Variants in PKDREJ observed in about 807,000 individuals in gnomAD.
The protein encoded by PKDREJ is polycystin family receptor for egg jelly.
For synonymous variants in PKDREJ, 1,031 were observed against 1,095.5 expected, an observed-to-expected ratio of 0.94 and a Z score of 1.16; for missense variants, 2,507 against 2,807.2, an observed-to-expected ratio of 0.89 and a Z score of 2.42.
In PKDREJ at chr22:46,260,204, T is replaced by C. The variant is rs1229255275; in HGVS notation, c.3119A>G (p.Gln1040Arg). 1 of 1,614,180 alleles carries C rather than the reference T, an allele frequency of 6.2e-7. No homozygotes were observed. Among genetic ancestry groups the C allele is most frequent in the Non-Finnish European group, 8.5e-7 (1 of 1,180,038 alleles). The change falls in exon 1 of 1, where the codon CAG becomes CGG. Residue 1040 changes from glutamine (Q) to arginine (R), a missense_variant. Coordinates refer to ENST00000253255, the MANE Select transcript of PKDREJ (RefSeq NM_006071.2). This position sits in a 1 kb window ranked among gnomAD's most constrained non-coding sequence, Gnocchi z 4.5. ...VPHDIPPFAS[Q>R]SALFDPACTV... is the part of the protein sequence containing the mutation. Reference sequence around the variant, plus strand: ...GCAGGCTGGGTCAAACAGGGCACTCTGGCTGGCAAATGGAGGGATGTCATG... The same window carrying C: ...GCAGGCTGGGTCAAACAGGGCACTCCGGCTGGCAAATGGAGGGATGTCATG...
In PKDREJ at chr22:46,263,081, T is replaced by C. The variant is rs112735000; in HGVS notation, c.242A>G (p.His81Arg). 0.16 allele frequency: 207,509 copies of C among 1,321,204 alleles called. 21,501 individuals carry two copies. Among genetic ancestry groups the C allele is most frequent in the African/African-American group, 0.52 (32,788 of 63,452 alleles). The allele number at this position is 1,321,204 out of a possible 1,614,324, so 81.8% of individuals were successfully genotyped here. ...LSGRGSLCFP[H>R]GGTGRRWYCL... ...GTACCAGCGCCGCCCGGTCCCGCCA[T>C]GGGGGAAGCAGAGGCTGCCGCGGCC... Residue 81 changes from histidine (H) to arginine (R), a missense_variant, in exon 1 of 1, where the codon CAT (histidine) becomes CGT (arginine). His to Arg is a conservative substitution (Grantham distance 29). Transcript: ENST00000253255. This position sits in a 1 kb window ranked among gnomAD's most constrained non-coding sequence, Gnocchi z 9.4.
chr22:46,258,498 C>T lies in PKDREJ; in HGVS notation c.4825G>A (p.Glu1609Lys). 6.2e-7 allele frequency: 1 copy of T among 1,614,166 alleles called. No individual in the cohort carries two copies. Among genetic ancestry groups the T allele is most frequent in the Middle Eastern group, 1.6e-4 (1 of 6,062 alleles). The stretch of plus-strand genomic sequence containing the variant: ...GAACAAAAAGATGCAAAGAGCCATT[C>T]TATTGACTTGTCATAGCCGTAAGTC... ...GLTYGYDKSI[E>K]WLFASFCSFC... Residue 1609 changes from glutamate to lysine, a missense_variant, in exon 1 of 1, where the codon GAA (glutamate) becomes AAA (lysine). Coordinates refer to ENST00000253255, the MANE Select transcript of PKDREJ (RefSeq NM_006071.2). This position sits in a 1 kb window ranked among gnomAD's most constrained non-coding sequence, Gnocchi z 6.1.
In PKDREJ at chr22:46,260,035, T is replaced by C; in HGVS notation, c.3288A>G (p.Arg1096=). ...FVMKLNDKLV[R]ISIFSVQCLD... is the part of the protein sequence containing the mutation. ...AGCACTGGACGCTGAAAATAGAAATTCTCACTAGCTTGTCATTGAGCTTCA... is the reference window on the plus strand; with the variant it reads ...AGCACTGGACGCTGAAAATAGAAATCCTCACTAGCTTGTCATTGAGCTTCA... The change falls in exon 1 of 1, where the codon AGA becomes AGG. Residue 1096 remains arginine, a synonymous_variant. Transcript: ENST00000253255. The surrounding 1 kb of genome is among the most constrained non-coding windows in gnomAD (Gnocchi z 4.5). 2 of 1,614,056 alleles carry C rather than the reference T, an allele frequency of 1.2e-6. No individual in the cohort carries two copies. Among genetic ancestry groups the C allele is most frequent in the South Asian group, 1.1e-5 (1 of 91,080 alleles).
In PKDREJ at chr22:46,259,995, T is replaced by A; in HGVS notation, c.3328A>T (p.Ile1110Phe). The change falls in exon 1 of 1, where the codon ATC becomes TTC. Residue 1110 changes from isoleucine to phenylalanine, a missense_variant. Transcript: ENST00000253255. This position sits in a 1 kb window ranked among gnomAD's most constrained non-coding sequence, Gnocchi z 6.8. ...FSVQCLDMYG[I>F]QSEWREGYCI... The stretch of plus-strand genomic sequence containing the variant: ...TAACCCTCTCTCCATTCACTCTGGA[T>A]CCCATACATGTCCAAGCACTGGACG... 6.2e-7 allele frequency: 1 copy of A among 1,614,108 alleles called. No individual in the cohort carries two copies. The highest frequency in any genetic ancestry group is 8.5e-7 in the Non-Finnish European group (1 of 1,180,022).
In PKDREJ at chr22:46,256,206, C is replaced by T. The variant is rs1015371836; in HGVS notation, c.*355G>A. 2 of 226,316 alleles carry T rather than the reference C, an allele frequency of 8.8e-6. No individual in the cohort carries two copies. Among genetic ancestry groups the T allele is most frequent in the Non-Finnish European group, 1.7e-5 (2 of 114,544 alleles). 14.0% of individuals were successfully genotyped at this position (226,316 alleles called of 1,614,324 possible). ...ACAATGCTCCACCCTGGCCAGGTCC[C>T]TCTCTCAAATCTGGTTCTCAAAACC... On this transcript the variant is annotated 3_prime_UTR_variant, in exon 1 of 1. Coordinates refer to ENST00000253255, the MANE Select transcript of PKDREJ (RefSeq NM_006071.2). This position sits in a 1 kb window ranked among gnomAD's most constrained non-coding sequence, Gnocchi z 5.3.
In PKDREJ at chr22:46,255,702, A is replaced by T. The variant is rs553749100; in HGVS notation, c.*859T>A. ...TCACATTTAATTCTGATAAAGCTTA[A>T]AGTGGCATCTACATAAATGAACATG... is the stretch of plus-strand genomic sequence containing the variant. On this transcript the variant is annotated 3_prime_UTR_variant, in exon 1 of 1. Transcript: ENST00000253255. 3.1e-4 allele frequency: 47 copies of T among 152,348 alleles called. No individual in the cohort carries two copies. Among genetic ancestry groups the T allele is most frequent in the African/African-American group, 1.1e-3 (46 of 41,590 alleles). 9.4% of individuals were successfully genotyped at this position (152,348 alleles called of 1,614,324 possible). A position where few individuals can be genotyped will look rare whatever the true frequency, so the allele number is the denominator to read the frequency against.
chr22:46,260,106 G>A lies in PKDREJ; in HGVS notation c.3217C>T (p.Pro1073Ser). The change falls in exon 1 of 1, where the codon CCC becomes TCC. Residue 1073 changes from proline to serine, a missense_variant. By Grantham distance (74) the Pro-to-Ser change is moderately conservative. Coordinates refer to ENST00000253255, the MANE Select transcript of PKDREJ (RefSeq NM_006071.2). This position sits in a 1 kb window ranked among gnomAD's most constrained non-coding sequence, Gnocchi z 4.5. The part of the protein sequence containing the change: ...LQLIAQHSHS[P>S]HCTVSIVLQA... ...AGAACTATGGATACAGTACAGTGGG[G>A]AGAGTGGCTGTGCTGAGCTATGAGT... 2 of 1,613,792 alleles carry A rather than the reference G, an allele frequency of 1.2e-6. No individual in the cohort carries two copies. Among genetic ancestry groups the A allele is most frequent in the Non-Finnish European group, 1.7e-6 (2 of 1,179,794 alleles).
rs753645400 is a variant in PKDREJ at position 46,260,553 on chromosome 22, T to C, written c.2770A>G (p.Thr924Ala). The part of the protein sequence containing the change: ...LFPWLNDQEN[T>A]SVEVSGFRMT... ...CTGAATCCAGACACCTCCACCGAAG[T>C]GTTTTCCTGATCATTTAACCAAGGA... The change falls in exon 1 of 1, where the codon ACT (threonine) becomes GCT (alanine). Residue 924 changes from threonine (T) to alanine (A), a missense_variant. Thr to Ala is a moderately conservative substitution (Grantham distance 58). Transcript: ENST00000253255. This position sits in a 1 kb window ranked among gnomAD's most constrained non-coding sequence, Gnocchi z 4.5. 2 of 1,614,172 alleles carry C rather than the reference T, an allele frequency of 1.2e-6. No individual in the cohort carries two copies. The highest frequency in any genetic ancestry group is 1.7e-6 in the Non-Finnish European group (2 of 1,180,012).
Position 46,257,040 on chromosome 22 carries a change from C to T in PKDREJ, c.6283G>A (p.Val2095Ile). ...TATACGAAGAAATACACGGACACAA[C>T]AAATGCCATGTGGCAGATGCCAGGG... The part of the protein sequence containing the change: ...ALPGICHMAF[V>I]VSVYFFVYMA... Residue 2095 changes from valine (V) to isoleucine (I), a missense_variant, in exon 1 of 1, where the codon GTT (valine) becomes ATT (isoleucine). Transcript: ENST00000253255. This position sits in a 1 kb window ranked among gnomAD's most constrained non-coding sequence, Gnocchi z 4.7. The T allele has an allele frequency of 6.2e-7, 1 of 1,613,968 alleles. No homozygotes were observed. Among genetic ancestry groups the T allele is most frequent in the Non-Finnish European group, 8.5e-7 (1 of 1,179,998 alleles).
Position 46,261,310 on chromosome 22 carries a change from A to G in PKDREJ, c.2013T>C (p.Thr671=). Residue 671 remains threonine, a synonymous_variant, in exon 1 of 1, where the codon ACT becomes ACC. Transcript: ENST00000253255. The surrounding 1 kb of genome is among the most constrained non-coding windows in gnomAD (Gnocchi z 7.1). ...ACACTGTCTTTGATGAATTTTTGTC[A>G]GTGGGAGCCTGTGCGGTGGCATGCA... ...VTLHATAQAP[T]DKNSSKTVLN... 6.2e-7 allele frequency: 1 copy of G among 1,613,996 alleles called. No individual in the cohort carries two copies. Among genetic ancestry groups the G allele is most frequent in the South Asian group, 1.1e-5 (1 of 91,080 alleles).
chr22:46,260,835 G>C lies in PKDREJ; in HGVS notation c.2488C>G (p.Pro830Ala), dbSNP rs1388364336. 1.2e-6 allele frequency: 2 copies of C among 1,613,902 alleles called. No individual in the cohort carries two copies. Among genetic ancestry groups the C allele is most frequent in the Non-Finnish European group, 8.5e-7 (1 of 1,179,914 alleles). The part of the protein sequence containing the change: ...MTSPHQVVKD[P>A]FYVIESLSDT... ...GATAGAGATTCTATTACATAGAAAG[G>C]ATCTTTAACTACTTGGTGAGGAGAA... The change falls in exon 1 of 1, where the codon CCT (proline) becomes GCT (alanine). Residue 830 changes from proline to alanine, a missense_variant. Transcript: ENST00000253255. The surrounding 1 kb of genome is among the most constrained non-coding windows in gnomAD (Gnocchi z 4.5).
In PKDREJ at chr22:46,260,659, T is replaced by G. The variant is rs750221001; in HGVS notation, c.2664A>C (p.Thr888=). 6.2e-7 allele frequency: 1 copy of G among 1,614,100 alleles called. No individual in the cohort carries two copies. The highest frequency in any genetic ancestry group is 8.5e-7 in the Non-Finnish European group (1 of 1,179,972). The change falls in exon 1 of 1, where the codon ACA becomes ACC. Residue 888 remains threonine, a synonymous_variant. Transcript: ENST00000253255. The surrounding 1 kb of genome is among the most constrained non-coding windows in gnomAD (Gnocchi z 4.5). ...EKHCRNCFYP[T]LNVSSVPGLS... ...GACCAGGAACACTGCTCACATTGAG[T>G]GTTGGATAAAAACAATTTCTGCAGT... is the stretch of plus-strand genomic sequence containing the variant.
rs765427549 is a variant in PKDREJ at position 46,262,534 on chromosome 22, G to T, written c.789C>A (p.Ser263=). 2 of 1,589,908 alleles carry T rather than the reference G, an allele frequency of 1.3e-6. No individual in the cohort carries two copies. The highest frequency in any genetic ancestry group is 2.2e-5 in the East Asian group (1 of 44,682). ...RAIAQYWQVF[S]VPAVGQAPDW... is the part of the protein sequence containing the mutation. ...CGGGCGCCTGACCCACGGCGGGCACGGAGAACACCTGCCAGTACTGGGCGA... is the reference window on the plus strand; with the variant it reads ...CGGGCGCCTGACCCACGGCGGGCACTGAGAACACCTGCCAGTACTGGGCGA... Residue 263 remains serine (S), a synonymous_variant, in exon 1 of 1, where the codon TCC becomes TCA. Coordinates refer to ENST00000253255, the MANE Select transcript of PKDREJ (RefSeq NM_006071.2). The surrounding 1 kb of genome is among the most constrained non-coding windows in gnomAD (Gnocchi z 8.1).
rs764073593 is a variant in PKDREJ, at chr22:46,258,781, C to T, written c.4542G>A (p.Lys1514=). ...GCCTGTGCTTGGGTTTGGAGGTTGC[C>T]TTAGGAGAAGCCTTTGGAAGCCTGG... ...GKPRLPKASP[K]ATSKPKHRHR... The change falls in exon 1 of 1, where the codon AAG becomes AAA. Residue 1514 remains lysine (K), a synonymous_variant. Transcript: ENST00000253255. This position sits in a 1 kb window ranked among gnomAD's most constrained non-coding sequence, Gnocchi z 6.1. 34 of 1,613,968 alleles carry T rather than the reference C, an allele frequency of 2.1e-5. No individual in the cohort carries two copies. Among genetic ancestry groups the T allele is most frequent in the Non-Finnish European group, 2.7e-5 (32 of 1,179,984 alleles).
Position 46,262,567 on chromosome 22 carries a change from C to A in PKDREJ, c.756G>T (p.Ala252=). 6.2e-7 allele frequency: 1 copy of A among 1,606,276 alleles called. No homozygotes were observed. Among genetic ancestry groups the A allele is most frequent in the Non-Finnish European group, 8.5e-7 (1 of 1,176,532 alleles). ...CCTGCCAGTACTGGGCGATGGCGCG[C>A]GCGGCCGGGCAGTCCAGCTGCACCG... ...NASVQLDCPA[A]RAIAQYWQVF... The change falls in exon 1 of 1, where the codon GCG becomes GCT. Residue 252 remains alanine (A), a synonymous_variant. Coordinates refer to ENST00000253255, the MANE Select transcript of PKDREJ (RefSeq NM_006071.2). The surrounding 1 kb of genome is among the most constrained non-coding windows in gnomAD (Gnocchi z 8.1).
In PKDREJ at chr22:46,258,605, G is replaced by A. The variant is rs776139770; in HGVS notation, c.4718C>T (p.Pro1573Leu). The stretch of plus-strand genomic sequence containing the variant: ...CCATGCAACATAAACACACCACCAA[G>A]GTAGGACGATCCGGGGCTTTTTCTT... The part of the protein sequence containing the change: ...QLKKKPRIVL[P>L]WWCVYVAWFL... Residue 1573 changes from proline to leucine, a missense_variant, in exon 1 of 1, where the codon CCT (proline) becomes CTT (leucine). By Grantham distance (98) the Pro-to-Leu change is moderately conservative (BLOSUM62 -3). Coordinates refer to ENST00000253255, the MANE Select transcript of PKDREJ (RefSeq NM_006071.2). This position sits in a 1 kb window ranked among gnomAD's most constrained non-coding sequence, Gnocchi z 6.1. 4 of 1,614,190 alleles carry A rather than the reference G, an allele frequency of 2.5e-6. No homozygotes were observed. The highest frequency in any genetic ancestry group is 3.4e-6 in the Non-Finnish European group (4 of 1,180,034).
chr22:46,260,105 G>C lies in PKDREJ; in HGVS notation c.3218C>G (p.Pro1073Arg). ...LQLIAQHSHSPHCTVSIVLQA... is the reference protein window; with the variant it reads ...LQLIAQHSHSRHCTVSIVLQA... ...CAGAACTATGGATACAGTACAGTGG[G>C]GAGAGTGGCTGTGCTGAGCTATGAG... Residue 1073 changes from proline to arginine, a missense_variant, in exon 1 of 1, where the codon CCC (proline) becomes CGC (arginine). Pro to Arg is a moderately radical substitution (Grantham distance 103). Coordinates refer to ENST00000253255, the MANE Select transcript of PKDREJ (RefSeq NM_006071.2). This position sits in a 1 kb window ranked among gnomAD's most constrained non-coding sequence, Gnocchi z 4.5. 1 of 1,613,784 alleles carries C rather than the reference G, an allele frequency of 6.2e-7. No homozygotes were observed. The highest frequency in any genetic ancestry group is 8.5e-7 in the Non-Finnish European group (1 of 1,179,800).
rs1195295468 is a variant in PKDREJ, at chr22:46,257,724, A to G, written c.5599T>C (p.Tyr1867His). 1.2e-6 allele frequency: 2 copies of G among 1,614,184 alleles called. No individual in the cohort carries two copies. The highest frequency in any genetic ancestry group is 2.2e-5 in the East Asian group (1 of 44,880). ...TYKPQGTQWLYYSYGLLHTYG... is the reference protein window; with the variant it reads ...TYKPQGTQWLHYSYGLLHTYG... ...GTGTGTAGTAGTCCATAGGAATAATATAGCCATTGCGTTCCTTGAGGCTTA... is the reference window on the plus strand; with the variant it reads ...GTGTGTAGTAGTCCATAGGAATAATGTAGCCATTGCGTTCCTTGAGGCTTA... The change falls in exon 1 of 1, where the codon TAT (tyrosine) becomes CAT (histidine). Residue 1867 changes from tyrosine to histidine, a missense_variant. By Grantham distance (83) the Tyr-to-His change is moderately conservative (BLOSUM62 2). Coordinates refer to ENST00000253255, the MANE Select transcript of PKDREJ (RefSeq NM_006071.2). This position sits in a 1 kb window ranked among gnomAD's most constrained non-coding sequence, Gnocchi z 4.7.
rs755615115 is a variant in PKDREJ, at chr22:46,256,965, T to C, written c.6358A>G (p.Asn2120Asp). 1.2e-6 allele frequency: 2 copies of C among 1,613,850 alleles called. No individual in the cohort carries two copies. The highest frequency in any genetic ancestry group is 2.7e-5 in the African/African-American group (2 of 74,942). ...ACTGTCTGAGTGGAATGAATCAAGT[T>C]ACTGTAGTTCCATTCATGCTGACCA... ...VFGQHEWNYS[N>D]LIHSTQTVFS... The change falls in exon 1 of 1, where the codon AAC (asparagine) becomes GAC (aspartate). Residue 2120 changes from asparagine (N) to aspartate (D), a missense_variant. By Grantham distance (23) the Asn-to-Asp change is conservative. Transcript: ENST00000253255. The surrounding 1 kb of genome is among the most constrained non-coding windows in gnomAD (Gnocchi z 5.3).
Sources: gnomAD v4.1 joint callset for allele counts on GRCh38, gnomAD v4.1.1 for gene constraint, Gnocchi (gnomAD v3.1) non-coding constraint, MANE v1.5 for transcripts, NCBI Gene and HGNC (gene_info 2026-07-23, HGNC 2026-07-21) for gene names.